The following METTL8 variants were observed in gnomAD, a reference collection of about 807,000 sequenced individuals.
The protein encoded by METTL8 is methyltransferase 8, tRNA N3-cytidine.
METTL8 carries 32 observed loss-of-function variants against 48.7 expected under a neutral mutation model. That is an observed-to-expected ratio of 0.66 (90% CI 0.50 to 0.88). METTL8 has a LOEUF of 0.88. METTL8 is among the 40% of genes least tolerant of loss of function. METTL8 has a pLI of 0.00. For missense variants in METTL8, 464 were observed against 474.4 expected (o/e 0.98, Z 0.20); for synonymous variants, 136 against 157.1 (o/e 0.87, Z 1.01).
In METTL8 at chr2:171,375,073, A is replaced by C. The variant is rs916957835; in HGVS notation, c.144-14560T>G. Reference sequence around the variant, plus strand: ...ACAACTCACACAGTAATATAGCTTCACATACAGCTTGGGAAGCACATAGGC... The same window carrying C: ...ACAACTCACACAGTAATATAGCTTCCCATACAGCTTGGGAAGCACATAGGC... On this transcript the variant is annotated intron_variant, in intron 2 of 9. Transcript: ENST00000375258. 3.5e-6 allele frequency: 4 copies of C among 1,143,804 alleles called. No homozygotes were observed. In the African/African-American group the frequency reaches 6.0e-5, roughly 17 times the overall value. The allele number at this position is 1,143,804 out of a possible 1,614,324, so 70.9% of individuals were successfully genotyped here.
intron 3 of METTL8, among the ~76,000 whole-genome samples, chr2:171,344,644 A>T (rs1433892104): frequency 6.6e-6 from 1 of 152,256 alleles, no homozygotes; most frequent in Non-Finnish European, 1.5e-5. Flanking sequence ...GATGAGCAAT[A>T]GGAACATTAA....
intron 5 of METTL8, among the ~76,000 whole-genome samples, chr2:171,335,529 A>C (rs1474751404): frequency 6.6e-6 from 1 of 152,062 alleles, no homozygotes; most frequent in African/African-American, 2.4e-5. Flanking sequence ...GGTTCAAGCA[A>C]TTCTCCTGCC....
intron 2 of METTL8, among the ~76,000 whole-genome samples, chr2:171,376,527 A>T (rs557821286): frequency 6.6e-6 from 1 of 152,214 alleles, no homozygotes; most frequent in African/African-American, 2.4e-5. Context: ...AATGTACATA[A>T]ATCAGGAGCA....
At chr2:171,363,198 C>G (rs567620147) in intron 2 of METTL8, among the ~76,000 whole-genome samples, 1 of 151,830 alleles carries the variant, frequency 6.6e-6, no homozygotes, top group Non-Finnish European at 1.5e-5. Context: ...AATAGTATAT[C>G]CTAAGTTCCT....
intron 3 of METTL8, among the ~76,000 whole-genome samples, chr2:171,356,537 T>C (rs1171879796): frequency 6.6e-6 from 1 of 152,188 alleles, no homozygotes; most frequent in African/African-American, 2.4e-5. Flanking sequence ...ACTGTATATT[T>C]GTACCCATTA....
At chr2:171,371,367 T>C (rs1686315416) in intron 2 of METTL8, among the ~76,000 whole-genome samples, 1 of 152,202 alleles carries the variant, frequency 6.6e-6, no homozygotes, top group Non-Finnish European at 1.5e-5. Context: ...ATTATTAATT[T>C]ATTTTTTGAG....
At chr2:171,385,965 G>T (rs1459118519) in intron 2 of METTL8, among the ~76,000 whole-genome samples, 1 of 152,182 alleles carries the variant, frequency 6.6e-6, no homozygotes, top group Non-Finnish European at 1.5e-5. Flanking sequence ...AACTAAAAGA[G>T]CCTTTTCAAG....
At chr2:171,328,316 G>A (rs1298943480) in intron 7 of METTL8, among the ~76,000 whole-genome samples, 3 of 152,116 alleles carry the variant, frequency 2.0e-5, no homozygotes, top group Admixed American at 6.6e-5. Flanking sequence ...AGGACAATTC[G>A]CTCTTCTTTT....
intron 2 of METTL8, among the ~76,000 whole-genome samples, chr2:171,385,660 C>T (rs569755725): frequency 6.6e-6 from 1 of 152,276 alleles, no homozygotes; most frequent in East Asian, 1.9e-4. Context: ...GGGGGGTATG[C>T]TATGAAGATG....
intron 3 of METTL8, among the ~76,000 whole-genome samples, chr2:171,340,498 C>CAAAAAAAAAAA (rs760579218): frequency 2.3e-5 from 1 of 42,910 alleles, no homozygotes; most frequent in Non-Finnish European, 4.6e-5. Context: ...TGAGTTGTCT[C>CAAAAAAAAAAA]AAAAAAAAAA....
chr2:171,343,266 C>T lies in METTL8; in HGVS notation c.236-3712G>A, dbSNP rs1410486165. 4.6e-5 allele frequency among the ~76,000 whole-genome samples: 7 copies of T among 152,132 alleles called. No individual in the cohort carries two copies. The East Asian group carries it at 1.4e-3, about 29-fold the overall frequency. On this transcript the variant is annotated intron_variant, in intron 3 of 9. Coordinates refer to ENST00000375258, the MANE Select transcript of METTL8 (RefSeq NM_001321154.2). ...ACCGGCCTGACCAACATGGAGAAAC[C>T]CCATCTCTACTAAAACTACAAAATT...
intron 1 of METTL8, among the ~76,000 whole-genome samples, chr2:171,433,508 A>C (rs925555348): frequency 2.0e-5 from 3 of 152,178 alleles, no homozygotes; most frequent in African/African-American, 7.2e-5. Flanking sequence ...CATGTGGTGC[A>C]AGCTTGCTGA....
intron 1 of METTL8, among the ~76,000 whole-genome samples, chr2:171,430,798 G>A (rs1391633272): frequency 6.6e-6 from 1 of 152,214 alleles, no homozygotes; most frequent in Non-Finnish European, 1.5e-5. Context: ...CTATGGACCA[G>A]ATCGAGAACC....
At chr2:171,347,830 A>C (rs1407623103) in intron 3 of METTL8, among the ~76,000 whole-genome samples, 1 of 152,164 alleles carries the variant, frequency 6.6e-6, no homozygotes, top group Non-Finnish European at 1.5e-5. Flanking sequence ...CTCGAATCCA[A>C]CCCTAATACT....
intron 2 of METTL8, among the ~76,000 whole-genome samples, chr2:171,371,842 T>C (rs201638545): frequency 1.4e-5 from 1 of 72,380 alleles, no homozygotes; most frequent in Non-Finnish European, 2.8e-5. Context: ...ATTACTATTA[T>C]TATTATTATT....
rs78278430 is a variant in METTL8, at chr2:171,417,270, A to C, written c.-13+16613T>G. On this transcript the variant is annotated intron_variant, in intron 1 of 9. Coordinates refer to ENST00000375258, the MANE Select transcript of METTL8 (RefSeq NM_001321154.2). ...CTCTTGAATCTTTATAATCTCGATG[A>C]TTTTCCCCATGAAAACAAAGTATTA... Among the ~76,000 whole-genome samples the C allele has an allele frequency of 1.5e-3, 233 of 152,266 alleles. 4 individuals carry two copies. The East Asian group carries it at 0.017, about 11-fold the overall frequency.
intron 3 of METTL8, among the ~76,000 whole-genome samples, chr2:171,355,863 T>C (rs1482363486): frequency 6.6e-6 from 1 of 152,202 alleles, no homozygotes; most frequent in African/African-American, 2.4e-5. Context: ...AGGTGCCGTC[T>C]GTCACCACTT....
rs1427712224 is a variant in METTL8 at position 171,324,262 on chromosome 2, G to A, written c.1134C>T (p.His378=). Residue 378 remains histidine, a synonymous_variant, in exon 10 of 10, where the codon CAC becomes CAT. Coordinates refer to ENST00000375258, the MANE Select transcript of METTL8 (RefSeq NM_001321154.2). ...GGAATTTGCCTTGAATCCACACTCG[G>A]TGCATTTTCACTTGTTTTTTCCTAT... ...QVNRKKQVKM[H]RVWIQGKFQK... 6.4e-7 allele frequency: 1 copy of A among 1,551,474 alleles called. No homozygotes were observed. Among genetic ancestry groups the A allele is most frequent in the African/African-American group, 1.4e-5 (1 of 73,128 alleles).
intron 1 of METTL8, among the ~76,000 whole-genome samples, chr2:171,413,200 C>T (rs1444490852): frequency 6.6e-6 from 1 of 152,174 alleles, no homozygotes; most frequent in Non-Finnish European, 1.5e-5. Flanking sequence ...TTGCAATTAA[C>T]CTTTAAGATA....
Sources: gnomAD v4.1 joint callset for allele counts (sites outside exome capture counted in the v4.1 genomes callset) on GRCh38, gnomAD v4.1.1 for gene constraint, MANE v1.5 for transcripts, NCBI Gene and HGNC (gene_info 2026-07-23, HGNC 2026-07-21) for gene names.